SURF1: variants seen among roughly 807,000 people sequenced by gnomAD.
SURF1 encodes surfeit locus protein 1.
Under a neutral mutation model 34.1 loss-of-function variants are expected in SURF1, and 45 were observed. The ratio of observed to expected loss-of-function variants is 1.32; its 90% CI spans 1.04 to 1.69. The LOEUF is 1.69. SURF1 is among the 40% of genes most tolerant of loss of function. The probability of loss-of-function intolerance (pLI) is 0.00; values close to 1 mark genes in which losing one functional copy is unlikely to be tolerated. For synonymous variants in SURF1, 188 were observed against 147.5 expected (o/e 1.27, Z -1.99); for missense variants, 456 against 384.6 (o/e 1.19, Z -1.55).
rs2130014726 is a variant in SURF1, at chr9:133,353,817, G to A, written c.447C>T (p.Gly149=). The change falls in exon 5 of 9, where the codon GGC becomes GGT. Residue 149 remains glycine, a synonymous_variant. Transcript: ENST00000371974. The stretch of plus-strand genomic sequence containing the variant: ...TCTGAGTTGAGGAGGAGATGAGGCC[G>A]CCCTCCCGGGCCTCCCGGACAGGGT... ...MVDPVREARE[G]GLISSSTQSG... The A allele has an allele frequency of 1.2e-5, 20 of 1,613,798 alleles. No individual in the cohort carries two copies. Among genetic ancestry groups the A allele is most frequent in the South Asian group, 4.4e-5 (4 of 91,084 alleles).
In SURF1 at chr9:133,356,273, G is replaced by A. The variant is rs2130024886; in HGVS notation, c.102C>T (p.Arg34=). ...AWRSVLRVSP[R]PGVAWRPSRC... ...AGCCCGGCCTGCAGCCCTCACCTGG[G>A]CGCGGGGAGACCCTGAGGACGCTCC... Residue 34 remains arginine, a synonymous_variant, in exon 2 of 9, where the codon CGC becomes CGT. Coordinates refer to ENST00000371974, the MANE Select transcript of SURF1 (RefSeq NM_003172.4). 2 of 1,532,972 alleles carry A rather than the reference G, an allele frequency of 1.3e-6. No homozygotes were observed. The highest frequency in any genetic ancestry group is 1.7e-6 in the Non-Finnish European group (2 of 1,146,102). The allele number at this position is 1,532,972 out of a possible 1,614,324, so 95.0% of individuals were successfully genotyped here. A position where few individuals can be genotyped will look rare whatever the true frequency, so the allele number is the denominator to read the frequency against.
In SURF1 at chr9:133,351,922, A is replaced by G; in HGVS notation, c.894T>C (p.Pro298=). The G allele has an allele frequency of 6.2e-7, 1 of 1,613,722 alleles. No individual in the cohort carries two copies. Among genetic ancestry groups the G allele is most frequent in the Non-Finnish European group, 8.5e-7 (1 of 1,179,904 alleles). Residue 298 remains proline, a synonymous_variant, in exon 9 of 9, where the codon CCT becomes CCC. Transcript: ENST00000371974. The part of the protein sequence containing the change: ...LWFKKFLRGT[P]GV Reference sequence around the variant, plus strand: ...TTCAGCAGCTGATCTGTCACACACCAGGTGTCCCACGTAGGAATTTCTTAA... The same window carrying G: ...TTCAGCAGCTGATCTGTCACACACCGGGTGTCCCACGTAGGAATTTCTTAA...
At position 133,351,907 on chromosome 9, in the gene SURF1, G is replaced by T. The variant is rs369285519; in HGVS notation, c.*6C>A. 2 of 1,613,254 alleles carry T rather than the reference G, an allele frequency of 1.2e-6. No individual in the cohort carries two copies. Among genetic ancestry groups the T allele is most frequent in the Non-Finnish European group, 1.7e-6 (2 of 1,179,690 alleles). Reference sequence around the variant, plus strand: ...ATCCAGGGACAGGGCTTCAGCAGCTGATCTGTCACACACCAGGTGTCCCAC... The same window carrying T: ...ATCCAGGGACAGGGCTTCAGCAGCTTATCTGTCACACACCAGGTGTCCCAC... On this transcript the variant is annotated 3_prime_UTR_variant, in exon 9 of 9. Coordinates refer to ENST00000371974, the MANE Select transcript of SURF1 (RefSeq NM_003172.4).
intron 4 of SURF1, chr9:133,354,286 G>T (rs1241574910): frequency 2.0e-6 from 1 of 491,770 alleles, no homozygotes. Context: ...GCATATTCTA[G>T]GGAGAGAGCA....
intron 7 of SURF1, 58 bp from the exon 8 acceptor site, chr9:133,352,200 T>C: frequency 6.6e-7 from 1 of 1,518,172 alleles, no homozygotes; most frequent in East Asian, 2.4e-5. Flanking sequence ...TCTGCACCAC[T>C]TCCTAGTGGC....
chr9:133,354,108 G>T, intron 4 of SURF1, 168 bp from the exon 5 acceptor site: 1 of 746,518 alleles, frequency 1.3e-6, no homozygotes, highest in Non-Finnish European at 2.3e-6. Context: ...GATCTGCACT[G>T]CCAGAGTCCA....
At chr9:133,352,231 T>C (rs2130005724) in intron 7 of SURF1, 89 bp from the exon 8 acceptor site, 11 of 1,420,902 alleles carry the variant, frequency 7.7e-6, no homozygotes, top group Non-Finnish European at 6.8e-6. Context: ...GCGTGGCCAG[T>C]TGGAAGTCCT....
In SURF1 at chr9:133,354,809, G is replaced by A. The variant is rs2130018837; in HGVS notation, c.240+15C>T. On this transcript the variant is annotated intron_variant, in intron 3 of 8. Transcript: ENST00000371974. ...CAAGGGCCCAGAGTTACGCACACCA[G>A]ATGCCGGTCTTTACCTGCCATGTCC... 2 of 1,613,706 alleles carry A rather than the reference G, an allele frequency of 1.2e-6. No individual in the cohort carries two copies. The highest frequency in any genetic ancestry group is 1.3e-5 in the African/African-American group (1 of 75,032).
In SURF1 at chr9:133,356,431, T is replaced by G. The variant is rs1005430150; in HGVS notation, c.23A>C (p.Gln8Pro). The G allele has an allele frequency of 1.7e-5, 24 of 1,405,616 alleles. No homozygotes were observed. Among genetic ancestry groups the G allele is most frequent in the Admixed American group, 2.8e-5 (1 of 35,484 alleles). The allele number at this position is 1,405,616 out of a possible 1,614,324, so 87.1% of individuals were successfully genotyped here. A position where few individuals can be genotyped will look rare whatever the true frequency, so the allele number is the denominator to read the frequency against. The change falls in exon 1 of 9, where the codon CAG becomes CCG. Residue 8 changes from glutamine (Q) to proline (P), a missense_variant. Transcript: ENST00000371974. MAAVAAL[Q>P]LGLRAAGLGR... Reference sequence around the variant, plus strand: ...CAGCCCCGCCGCCCGCAGCCCCAGCTGCAACGCAGCCACCGCCGCCATCGC... The same window carrying G: ...CAGCCCCGCCGCCCGCAGCCCCAGCGGCAACGCAGCCACCGCCGCCATCGC...
Position 133,356,262 on chromosome 9 carries a change from C to T in SURF1, c.106+7G>A. ...GCCTGGATCACAGCCCGGCCTGCAGCCCTCACCTGGGCGCGGGGAGACCCT... is the reference window on the plus strand; with the variant it reads ...GCCTGGATCACAGCCCGGCCTGCAGTCCTCACCTGGGCGCGGGGAGACCCT... On this transcript the variant is annotated splice_region_variant and intron_variant, in intron 2 of 8. Coordinates refer to ENST00000371974, the MANE Select transcript of SURF1 (RefSeq NM_003172.4). 2 of 1,533,318 alleles carry T rather than the reference C, an allele frequency of 1.3e-6. No homozygotes were observed. The highest frequency in any genetic ancestry group is 2.4e-5 in the South Asian group (2 of 83,942). The allele number at this position is 1,533,318 out of a possible 1,614,324, so 95.0% of individuals were successfully genotyped here.
At position 133,352,441 on chromosome 9, in the gene SURF1, C is replaced by A. The variant is rs781934508; in HGVS notation, c.751+5G>T. 1.2e-6 allele frequency: 2 copies of A among 1,614,222 alleles called. No homozygotes were observed. The highest frequency in any genetic ancestry group is 1.3e-5 in the African/African-American group (1 of 75,060). On this transcript the variant is annotated splice_donor_5th_base_variant and intron_variant, in intron 7 of 8. Transcript: ENST00000371974. The stretch of plus-strand genomic sequence containing the variant: ...TGTTCCGAGATGGGCTGGTCCACAA[C>A]GTACGGAAGTTGGCATCAATGAAGA...
At chr9:133,354,775 C>T in intron 3 of SURF1, 34 bp from the exon 4 acceptor site, 4 of 1,613,738 alleles carry the variant, frequency 2.5e-6, no homozygotes, top group Non-Finnish European at 3.4e-6. Flanking sequence ...AAGCAGATGG[C>T]AGCAAGGTCA....
rs2130017563 is a variant in SURF1, at chr9:133,354,640, G to C, written c.323+19C>G. On this transcript the variant is annotated intron_variant, in intron 4 of 8. Transcript: ENST00000371974. ...GAACTCAAGTAAAACAGGCCCTAGG[G>C]GGGCAGCCATGCACTCACTCGGCTG... 3.4e-5 allele frequency: 55 copies of C among 1,611,980 alleles called. No homozygotes were observed. In the African/African-American group the frequency reaches 4.8e-4, roughly 14 times the overall value.
In SURF1 at chr9:133,354,390, G is replaced by A. The variant is rs1836513492; in HGVS notation, c.323+269C>T. ...CCACAGGGCCTTGGGCCCTGTGGAG[G>A]ATAAGTTTACTATACCTGAAAAAAG... On this transcript the variant is annotated intron_variant, in intron 4 of 8. Coordinates refer to ENST00000371974, the MANE Select transcript of SURF1 (RefSeq NM_003172.4). The A allele has an allele frequency of 3.5e-5, 19 of 547,026 alleles. No individual in the cohort carries two copies. In the East Asian group the frequency reaches 5.5e-4, roughly 16 times the overall value. The allele number at this position is 547,026 out of a possible 1,614,324, so 33.9% of individuals were successfully genotyped here.
At position 133,352,126 on chromosome 9, in the gene SURF1, T is replaced by C; in HGVS notation, c.768A>G (p.Gly256=). Reference sequence around the variant, plus strand: ...CTCTGGTTTGCCCTCCAATGGGTCCTCCAGGGACTGTGCTCTCTGTGGAGA... The same window carrying C: ...CTCTGGTTTGCCCTCCAATGGGTCCCCCAGGGACTGTGCTCTCTGTGGAGA... ...IDANFQSTVP[G]GPIGGQTRVT... The change falls in exon 8 of 9, where the codon GGA becomes GGG. Residue 256 remains glycine (G), a synonymous_variant. Transcript: ENST00000371974. The C allele has an allele frequency of 1.2e-6, 2 of 1,603,960 alleles. No homozygotes were observed. The highest frequency in any genetic ancestry group is 1.7e-6 in the Non-Finnish European group (2 of 1,174,766).
rs2130025414 is a variant in SURF1, at chr9:133,356,326, G to C, written c.55-6C>G. On this transcript the variant is annotated splice_polypyrimidine_tract_variant and splice_region_variant and intron_variant, in intron 1 of 8. Coordinates refer to ENST00000371974, the MANE Select transcript of SURF1 (RefSeq NM_003172.4). Reference sequence around the variant, plus strand: ...CAGGCGGCGCTGGCCGGGGCCTGCGGACACGGACGGGCGGGCTGAGCTCCG... The same window carrying C: ...CAGGCGGCGCTGGCCGGGGCCTGCGCACACGGACGGGCGGGCTGAGCTCCG... 6.6e-7 allele frequency: 1 copy of C among 1,514,222 alleles called. No homozygotes were observed. Among genetic ancestry groups the C allele is most frequent in the African/African-American group, 1.4e-5 (1 of 69,844 alleles). The allele number at this position is 1,514,222 out of a possible 1,614,324, so 93.8% of individuals were successfully genotyped here.
chr9:133,351,833 T>A lies in SURF1; in HGVS notation c.*80A>T. 1 of 1,474,038 alleles carries A rather than the reference T, an allele frequency of 6.8e-7. No homozygotes were observed. Among genetic ancestry groups the A allele is most frequent in the Middle Eastern group, 1.7e-4 (1 of 5,836 alleles). The allele number at this position is 1,474,038 out of a possible 1,614,324, so 91.3% of individuals were successfully genotyped here. ...TTTAAGGTAGAAGGCCAGAACTTTATACCAGTAGCACATGATCCAGCATAA... is the reference window on the plus strand; with the variant it reads ...TTTAAGGTAGAAGGCCAGAACTTTAAACCAGTAGCACATGATCCAGCATAA... On this transcript the variant is annotated 3_prime_UTR_variant, in exon 9 of 9. Transcript: ENST00000371974.
Position 133,352,192 on chromosome 9 carries a change from T to G in SURF1, c.752-50A>C, listed in dbSNP as rs1836437233. The G allele has an allele frequency of 2.0e-6, 3 of 1,534,868 alleles. No homozygotes were observed. The African/African-American group carries it at 4.1e-5, about 21-fold the overall frequency. On this transcript the variant is annotated intron_variant, in intron 7 of 8. Coordinates refer to ENST00000371974, the MANE Select transcript of SURF1 (RefSeq NM_003172.4). Reference sequence around the variant, plus strand: ...CACCCCCTACTGGCCTGCCAGCCTCTGCACCACTTCCTAGTGGCTGTCATT... The same window carrying G: ...CACCCCCTACTGGCCTGCCAGCCTCGGCACCACTTCCTAGTGGCTGTCATT...
At position 133,352,431 on chromosome 9, in the gene SURF1, T is replaced by G; in HGVS notation, c.751+15A>C. The G allele has an allele frequency of 6.2e-7, 1 of 1,614,232 alleles. No individual in the cohort carries two copies. Among genetic ancestry groups the G allele is most frequent in the Non-Finnish European group, 8.5e-7 (1 of 1,180,044 alleles). Reference sequence around the variant, plus strand: ...AAAAGCTACTTGTTCCGAGATGGGCTGGTCCACAACGTACGGAAGTTGGCA... The same window carrying G: ...AAAAGCTACTTGTTCCGAGATGGGCGGGTCCACAACGTACGGAAGTTGGCA... On this transcript the variant is annotated intron_variant, in intron 7 of 8. Transcript: ENST00000371974.
Sources: gnomAD v4.1 joint callset for allele counts on GRCh38, gnomAD v4.1.1 for gene constraint, MANE v1.5 for transcripts, NCBI Gene and HGNC (gene_info 2026-07-23, HGNC 2026-07-21) for gene names.